Variants in OTOGL observed in about 807,000 individuals in gnomAD.
OTOGL encodes otogelin-like protein.
In OTOGL, 285 loss-of-function variants were observed where a neutral mutation model predicts 318.5. That is an observed-to-expected ratio of 0.89 (90% confidence interval 0.81 to 0.99). The LOEUF (loss-of-function observed/expected upper bound fraction) is 0.99. Ranked by LOEUF, OTOGL falls within the 50% of genes least tolerant of loss-of-function variation. OTOGL has a pLI of 0.00. For missense variants in OTOGL, 2,899 were observed against 2,845.6 expected (o/e 1.02, Z -0.43); for synonymous variants, 987 against 936.5 (o/e 1.05, Z -0.99).
rs1809800066 is a variant in OTOGL, at chr12:80,355,931, G to A, written c.5789G>A (p.Cys1930Tyr). ...VMGIIDKWTC[C>Y]SKEVCGCDTT... ...GGCATCATTGATAAATGGACCTGCT[G>A]TTCAAAGGAAGTTTGTGGTATGTAT... is the stretch of plus-strand genomic sequence containing the variant. Residue 1930 changes from cysteine (C) to tyrosine (Y), a missense_variant, in exon 47 of 59, where the codon TGT becomes TAT. By Grantham distance (194) the Cys-to-Tyr change is radical (BLOSUM62 -2). This residue lies in a region of OTOGL where 2,607 missense variants were observed against 2,524.9 expected (regional missense o/e 1.03). Transcript: ENST00000547103. 1 of 1,613,876 alleles carries A rather than the reference G, an allele frequency of 6.2e-7. No individual in the cohort carries two copies.
At chr12:80,210,596 G>A (rs1877172964) in intron 2 of OTOGL, among the ~76,000 whole-genome samples, 1 of 152,080 alleles carries the variant, frequency 6.6e-6, no homozygotes. Context: ...CTGATTCCAA[G>A]GCTAGTGTCT....
At chr12:80,372,241 T>C (rs183000167) in intron 57 of OTOGL, among the ~76,000 whole-genome samples, 177 bp downstream of exon 57, 51 of 152,262 alleles carry the variant, frequency 3.3e-4, no homozygotes, top group Non-Finnish European at 2.6e-4. Context: ...TGTAATTTAG[T>C]CTTTAACTTA....
intron 14 of OTOGL, 37 bp downstream of exon 14, chr12:80,253,611 C>G (rs1336972632): frequency 2.7e-6 from 4 of 1,501,910 alleles, no homozygotes; most frequent in Non-Finnish European, 9.3e-7. Flanking sequence ...TTTCTGGGTA[C>G]TTGGCTAGTT....
At chr12:80,101,015 A>G (rs932922989) in intron 1 of OTOGL, among the ~76,000 whole-genome samples, 2 of 152,190 alleles carry the variant, frequency 1.3e-5, no homozygotes, top group African/African-American at 4.8e-5. Context: ...TCAAGCATTT[A>G]AATAAGAACT....
Position 80,254,571 on chromosome 12 carries a change from G to A in OTOGL, c.1441+1G>A. ...AACTGCACTGAGCAAGACTGTCCAG[G>A]TAATTTTTTAAAATGTTTTTATAGA... On this transcript the variant is annotated splice_donor_variant, in intron 15 of 58. Transcript: ENST00000547103. LOFTEE classifies it high-confidence loss of function. The A allele has an allele frequency of 3.1e-6, 5 of 1,603,206 alleles. No individual in the cohort carries two copies. The highest frequency in any genetic ancestry group is 3.4e-6 in the Non-Finnish European group (4 of 1,172,434).
chr12:80,368,558 T>G (rs181992192), intron 55 of OTOGL, among the ~76,000 whole-genome samples: 20 of 152,270 alleles, frequency 1.3e-4, no homozygotes, highest in Non-Finnish European at 4.4e-5. Context: ...TTTCTAGATG[T>G]AAGAAATAGG....
intron 57 of OTOGL, among the ~76,000 whole-genome samples, chr12:80,375,507 A>G (rs1891130628): frequency 2.0e-5 from 3 of 152,184 alleles, no homozygotes; most frequent in Admixed American, 6.6e-5. Context: ...ATAAAGAAAA[A>G]TAATGTAGAA....
intron 1 of OTOGL, among the ~76,000 whole-genome samples, chr12:80,157,943 G>T (rs1030964558): frequency 5.9e-5 from 9 of 151,890 alleles, no homozygotes; most frequent in Non-Finnish European, 1.0e-4. Flanking sequence ...TTCCTGGTGG[G>T]TTCTTTATTG....
chr12:80,375,180 T>C (rs1031389689), intron 57 of OTOGL, among the ~76,000 whole-genome samples: 2 of 152,142 alleles, frequency 1.3e-5, no homozygotes, highest in Non-Finnish European at 2.9e-5. Flanking sequence ...TTGAAGAGAT[T>C]GTGGAGGTTG....
In OTOGL at chr12:80,252,195, C is replaced by T. The variant is rs775259279; in HGVS notation, c.1279C>T (p.Pro427Ser). The change falls in exon 13 of 59, where the codon CCA (proline) becomes TCA (serine). Residue 427 changes from proline to serine, a missense_variant. Coordinates refer to ENST00000547103, the MANE Select transcript of OTOGL (RefSeq NM_001378609.3). ...NLHCLDGCYC[P>S]DGLVMDNGTC... ...CCATTGTCTTGATGGATGTTACTGC[C>T]CAGATGGTAAGTGCTTCATGAAGAA... is the stretch of plus-strand genomic sequence containing the variant. 1.3e-6 allele frequency: 2 copies of T among 1,598,406 alleles called. No individual in the cohort carries two copies. Among genetic ancestry groups the T allele is most frequent in the Admixed American group, 1.7e-5 (1 of 58,156 alleles).
intron 1 of OTOGL, among the ~76,000 whole-genome samples, chr12:80,101,412 T>G (rs995607046): frequency 6.6e-6 from 1 of 152,206 alleles, no homozygotes; most frequent in African/African-American, 2.4e-5. Flanking sequence ...CTCCTGAACA[T>G]CCTCCTTTCT....
At chr12:80,368,609 A>G (rs1315477528) in intron 55 of OTOGL, among the ~76,000 whole-genome samples, 1 of 152,086 alleles carries the variant, frequency 6.6e-6, no homozygotes, top group Non-Finnish European at 1.5e-5. Flanking sequence ...AACAATTAAT[A>G]TTTTTATGTG....
intron 8 of OTOGL, among the ~76,000 whole-genome samples, chr12:80,231,521 C>T (rs1427226277): frequency 6.6e-6 from 1 of 152,130 alleles, no homozygotes; most frequent in Admixed American, 6.6e-5. Flanking sequence ...TGGAAAGGAA[C>T]TCACTAATTT....
At chr12:80,235,109 C>T (rs1879716105) in intron 9 of OTOGL, among the ~76,000 whole-genome samples, 1 of 151,272 alleles carries the variant, frequency 6.6e-6, no homozygotes, top group Non-Finnish European at 1.5e-5. Flanking sequence ...TCTTCTGTAT[C>T]AAAGCTTCAC....
chr12:80,237,546 G>A (rs1240901437), intron 9 of OTOGL, among the ~76,000 whole-genome samples: 1 of 152,012 alleles, frequency 6.6e-6, no homozygotes, highest in African/African-American at 2.4e-5. Context: ...GTTCTGAGGT[G>A]GGAATGAGTT....
intron 34 of OTOGL, among the ~76,000 whole-genome samples, chr12:80,323,446 C>T (rs1381530672): frequency 3.9e-5 from 6 of 152,016 alleles, no homozygotes; most frequent in Non-Finnish European, 8.8e-5. Context: ...GTTAGGAATT[C>T]GAGACCATTC....
chr12:80,368,292 A>G lies in OTOGL; in HGVS notation c.6598A>G (p.Thr2200Ala). Residue 2200 changes from threonine to alanine, a missense_variant, in exon 55 of 59, where the codon ACA (threonine) becomes GCA (alanine). Transcript: ENST00000547103. Reference protein sequence around the residue: ...VSCKFHMENGTSVVYAVGSTW... With the variant: ...VSCKFHMENGASVVYAVGSTW... ...CTGCAAATTTCACATGGAAAATGGA[A>G]CATCAGTTGTATACGCGGTATGTTT... 1 of 1,591,530 alleles carries G rather than the reference A, an allele frequency of 6.3e-7. No individual in the cohort carries two copies. The highest frequency in any genetic ancestry group is 8.6e-7 in the Non-Finnish European group (1 of 1,165,586).
intron 24 of OTOGL, among the ~76,000 whole-genome samples, chr12:80,273,863 T>C (rs1883596029): frequency 6.6e-6 from 1 of 152,094 alleles, no homozygotes; most frequent in African/African-American, 2.4e-5. Flanking sequence ...TTTTTCATTA[T>C]CATTATATCT....
At chr12:80,133,408 G>A (rs906912831) in intron 1 of OTOGL, 5 of 152,140 alleles carry the variant, frequency 3.3e-5, no homozygotes, top group Admixed American at 6.5e-5. Flanking sequence ...GAGCTGCACA[G>A]AAACTCTGAT....
Sources: allele counts gnomAD v4.1 joint callset (sites outside exome capture counted in the v4.1 genomes callset), GRCh38; gene constraint gnomAD v4.1.1; regional missense constraint gnomAD v4.1.1; transcripts MANE v1.5; gene names NCBI Gene and HGNC (gene_info 2026-07-23, HGNC 2026-07-21).